DTL: variants seen among roughly 807,000 people sequenced by gnomAD.
The protein encoded by DTL is denticleless E3 ubiquitin protein ligase adapter, also known as denticleless protein homolog.
Under a neutral mutation model 87.0 loss-of-function variants are expected in DTL, and 46 were observed. That is an observed-to-expected ratio of 0.53 (90% confidence interval 0.42 to 0.68). The LOEUF (loss-of-function observed/expected upper bound fraction) is 0.68, where lower values mean the gene tolerates loss of function less well. Ranked by LOEUF, DTL falls within the 30% of genes least tolerant of loss-of-function variation. DTL has a pLI of 0.00. For missense variants in DTL, 737 were observed against 869.4 expected, an observed-to-expected ratio of 0.85 and a Z score of 1.91; for synonymous variants, 308 against 311.2, an observed-to-expected ratio of 0.99 and a Z score of 0.11.
At chr1:212,092,947 A>C (rs1254086091) in intron 13 of DTL, among the ~76,000 whole-genome samples, 1 of 152,060 alleles carries the variant, frequency 6.6e-6, no homozygotes, top group Non-Finnish European at 1.5e-5. Flanking sequence ...TGCAGGAGTA[A>C]GGTGGTATTG....
Position 212,100,428 on chromosome 1 carries a change from A to T in DTL, c.1438A>T (p.Ile480Phe), listed in dbSNP as rs768377345. 3.7e-6 allele frequency: 6 copies of T among 1,613,830 alleles called. No homozygotes were observed. Among genetic ancestry groups the T allele is most frequent in the Admixed American group, 3.3e-5 (2 of 59,972 alleles). ...KTSPAKARSP[I>F]NRRGSVSSVS... ...CTCTCCTGCCAAGGCCCGGTCTCCC[A>T]TCAACAGAAGAGGCTCTGTCTCCTC... is the stretch of plus-strand genomic sequence containing the variant. The change falls in exon 14 of 15, where the codon ATC (isoleucine) becomes TTC (phenylalanine). Residue 480 changes from isoleucine (I) to phenylalanine (F), a missense_variant. Coordinates refer to ENST00000366991, the MANE Select transcript of DTL (RefSeq NM_016448.4).
chr1:212,055,691 C>T lies in DTL; in HGVS notation c.461-7193C>T, dbSNP rs1668152311. The stretch of plus-strand genomic sequence containing the variant: ...AGCAACCCCACTCTGCATGTCAGTA[C>T]TGCAGCATAGCTGCTGCTGCCCCTT... On this transcript the variant is annotated intron_variant, in intron 5 of 14. Transcript: ENST00000366991. Among the ~76,000 whole-genome samples, 3 of 152,218 alleles carry T rather than the reference C, an allele frequency of 2.0e-5. No homozygotes were observed. The South Asian group carries it at 6.2e-4, about 32-fold the overall frequency.
At chr1:212,090,661 A>T (rs79876624) in intron 13 of DTL, among the ~76,000 whole-genome samples, 3,878 of 152,340 alleles carry the variant, frequency 0.025, 70 homozygotes, top group Non-Finnish European at 0.04. Context: ...GTACACATAC[A>T]GAAGTCCTAT....
chr1:212,099,351 AG>A (rs564449697), intron 13 of DTL, among the ~76,000 whole-genome samples: 36 of 152,312 alleles, frequency 2.4e-4, no homozygotes, highest in African/African-American at 8.2e-4. Context: ...CTTCTGCCTC[AG>A]CCTCCTGAGT....
In DTL at chr1:212,066,800, T is replaced by G. The variant is rs1249666373; in HGVS notation, c.640-12T>G. 1 of 1,612,112 alleles carries G rather than the reference T, an allele frequency of 6.2e-7. No homozygotes were observed. The highest frequency in any genetic ancestry group is 8.5e-7 in the Non-Finnish European group (1 of 1,178,506). On this transcript the variant is annotated splice_polypyrimidine_tract_variant and intron_variant, in intron 7 of 14. Transcript: ENST00000366991. The stretch of plus-strand genomic sequence containing the variant: ...CCCAAGATAGAATCTTCTTCTTTTC[T>G]TGTGCTATCAGGATTTCCAGCAAAG...
intron 13 of DTL, among the ~76,000 whole-genome samples, chr1:212,087,068 A>T (rs6672030): frequency 2.6e-5 from 4 of 152,212 alleles, no homozygotes; most frequent in Non-Finnish European, 4.4e-5. Context: ...TAGCATAATT[A>T]TTCTAAGGAC....
Position 212,101,142 on chromosome 1 carries a change from G to A in DTL, c.2094+58G>A, listed in dbSNP as rs12740356. 3.6e-5 allele frequency: 42 copies of A among 1,162,428 alleles called. No homozygotes were observed. In the South Asian group the frequency reaches 6.3e-4, roughly 18 times the overall value. 72.0% of individuals were successfully genotyped at this position (1,162,428 alleles called of 1,614,324 possible). A position where few individuals can be genotyped will look rare whatever the true frequency, so the allele number is the denominator to read the frequency against. ...TAACTTAAAAGGGGCCAGACACCCA[G>A]ATGTCTCAAGTCAGGATGCTTTTTT... On this transcript the variant is annotated intron_variant, in intron 14 of 14. Transcript: ENST00000366991.
chr1:212,084,514 T>C (rs1429919850), intron 13 of DTL, among the ~76,000 whole-genome samples: 2 of 152,096 alleles, frequency 1.3e-5, no homozygotes, highest in Non-Finnish European at 2.9e-5. Context: ...TAATTTAGTA[T>C]TACAGTTTAA....
chr1:212,068,237 T>C lies in DTL; in HGVS notation c.727T>C (p.Trp243Arg). 6.2e-7 allele frequency: 1 copy of C among 1,604,084 alleles called. No homozygotes were observed. The highest frequency in any genetic ancestry group is 1.1e-5 in the South Asian group (1 of 88,680). ...CTTGGTTTTTAGGATAATCAAAGTA[T>C]GGGATTTACGTAAGAATTATACTGC... Reference protein sequence around the residue: ...AGAVDGIIKVWDLRKNYTAYR... With the variant: ...AGAVDGIIKVRDLRKNYTAYR... The change falls in exon 9 of 15, where the codon TGG becomes CGG. Residue 243 changes from tryptophan to arginine, a missense_variant. Coordinates refer to ENST00000366991, the MANE Select transcript of DTL (RefSeq NM_016448.4).
chr1:212,049,097 A>G (rs1001966705), intron 5 of DTL, among the ~76,000 whole-genome samples: 4 of 152,078 alleles, frequency 2.6e-5, no homozygotes, highest in African/African-American at 9.7e-5. Context: ...TAATTTTTGT[A>G]TTTTTAGTAG....
chr1:212,040,031 T>A (rs1408649707), intron 1 of DTL, among the ~76,000 whole-genome samples: 1 of 152,236 alleles, frequency 6.6e-6, no homozygotes, highest in Non-Finnish European at 1.5e-5. Flanking sequence ...TAACCTTAGC[T>A]TACTGTAACT....
intron 5 of DTL, among the ~76,000 whole-genome samples, chr1:212,053,359 C>G (rs1191720847): frequency 6.6e-6 from 1 of 151,976 alleles, no homozygotes; most frequent in Non-Finnish European, 1.5e-5. Context: ...CCATGCCTGG[C>G]TAATTTCTTT....
intron 13 of DTL, among the ~76,000 whole-genome samples, chr1:212,095,485 G>A (rs1655419812): frequency 6.6e-6 from 1 of 152,128 alleles, no homozygotes; most frequent in African/African-American, 2.4e-5. Flanking sequence ...CTCCCAAGTA[G>A]CTGAGATACC....
Position 212,065,020 on chromosome 1 carries a change from T to C in DTL, c.630T>C (p.Ala210=). Residue 210 remains alanine (A), a synonymous_variant, in exon 7 of 15, where the codon GCT becomes GCC. Transcript: ENST00000366991. ...PKKKQNSKGL[A]PSVDFQQSVT... ...AGAAACAGAATTCAAAAGGACTTGC[T>C]CCTTCTGTGGTAAGGTTTTACAGAT... The C allele has an allele frequency of 6.2e-7, 1 of 1,612,612 alleles. No individual in the cohort carries two copies. The highest frequency in any genetic ancestry group is 8.5e-7 in the Non-Finnish European group (1 of 1,178,650).
Position 212,047,188 on chromosome 1 carries a change from C to G in DTL, c.315C>G (p.Ala105=), listed in dbSNP as rs1278904054. ...ACTGGAATGCCGTCTTTGACCTGGC[C>G]TGGGTTCCTGGTGAACTTAAACTTG... ...MAHWNAVFDL[A]WVPGELKLVT... is the part of the protein sequence containing the mutation. Residue 105 remains alanine (A), a synonymous_variant, in exon 4 of 15, where the codon GCC becomes GCG. Coordinates refer to ENST00000366991, the MANE Select transcript of DTL (RefSeq NM_016448.4). The G allele has an allele frequency of 6.2e-7, 1 of 1,614,142 alleles. No individual in the cohort carries two copies. The highest frequency in any genetic ancestry group is 2.2e-5 in the East Asian group (1 of 44,884).
rs1429499800 is a variant in DTL, at chr1:212,101,063, C to T, written c.2073C>T (p.Ser691=). The change falls in exon 14 of 15, where the codon AGC becomes AGT. Residue 691 remains serine (S), a synonymous_variant. Transcript: ENST00000366991. ...SSQTPNSRRQ[S]GKKLPSPVTI... ...AGACACCCAATTCCAGGAGACAGAGCGGAAAGAAATTGCCAAGCCCGGTAA... is the reference window on the plus strand; with the variant it reads ...AGACACCCAATTCCAGGAGACAGAGTGGAAAGAAATTGCCAAGCCCGGTAA... The T allele has an allele frequency of 3.7e-6, 6 of 1,608,908 alleles. No individual in the cohort carries two copies. Among genetic ancestry groups the T allele is most frequent in the Admixed American group, 3.4e-5 (2 of 59,514 alleles).
chr1:212,098,590 T>C (rs1288954632), intron 13 of DTL, among the ~76,000 whole-genome samples: 4 of 152,070 alleles, frequency 2.6e-5, no homozygotes, highest in Non-Finnish European at 5.9e-5. Context: ...CTGTGGCCTC[T>C]GGGCGATGGG....
At chr1:212,044,842 T>C (rs1667764609) in intron 3 of DTL, 84 bp downstream of exon 3, 1 of 810,482 alleles carries the variant, frequency 1.2e-6, no homozygotes. Flanking sequence ...ACACATTCTG[T>C]TTTAGTCTGT....
At chr1:212,096,179 A>G (rs2130503) in intron 13 of DTL, among the ~76,000 whole-genome samples, 68,656 of 151,922 alleles carry the variant, frequency 0.45, 15,824 homozygotes, top group East Asian at 0.61. Flanking sequence ...GTAGCCTTGA[A>G]TGATCTTTTG....
Sources: allele counts gnomAD v4.1 joint callset (sites outside exome capture counted in the v4.1 genomes callset), GRCh38; gene constraint gnomAD v4.1.1; transcripts MANE v1.5; gene names NCBI Gene and HGNC (gene_info 2026-07-23, HGNC 2026-07-21).